CERT1: variants seen among roughly 807,000 people sequenced by gnomAD.
CERT1 encodes ceramide transporter 1.
A neutral mutation model predicts 87.9 loss-of-function variants in CERT1; 31 were observed. That is an observed-to-expected ratio of 0.35 (90% CI 0.27 to 0.48). The LOEUF is 0.48. Ranked by LOEUF, CERT1 falls within the 20% of genes least tolerant of loss-of-function variation. CERT1 has a pLI of 0.99. For synonymous variants in CERT1, 289 were observed against 250.9 expected, an observed-to-expected ratio of 1.15 and a Z score of -1.44; for missense variants, 487 against 758.0, an observed-to-expected ratio of 0.64 and a Z score of 4.20.
chr5:75,381,814 A>G, intron 15 of CERT1, 135 bp downstream of exon 15: 4 of 807,392 alleles, frequency 5.0e-6, no homozygotes, highest in Non-Finnish European at 7.9e-6. Context: ...TGTTCCTAGC[A>G]GTCAATCCAA....
chr5:75,376,539 G>A (rs1016274206), downstream of CERT1: 3 of 152,198 alleles, frequency 2.0e-5, no homozygotes, highest in Non-Finnish European at 4.4e-5. Context: ...CAGTTTTCTG[G>A]TTTATTTGAT....
intron 3 of CERT1, among the ~76,000 whole-genome samples, chr5:75,441,554 A>G (rs1057160347): frequency 1.3e-5 from 2 of 152,088 alleles, no homozygotes; most frequent in Non-Finnish European, 2.9e-5. Flanking sequence ...GAAACTCTAT[A>G]CCCATTAAAC....
chr5:75,461,683 A>G (rs1277031446), intron 2 of CERT1, among the ~76,000 whole-genome samples: 1 of 152,188 alleles, frequency 6.6e-6, no homozygotes, highest in Non-Finnish European at 1.5e-5. Context: ...TCTCTGGCAA[A>G]CACCTTCTTA....
At chr5:75,473,585 G>A (rs918616649) in intron 2 of CERT1, among the ~76,000 whole-genome samples, 7 of 152,158 alleles carry the variant, frequency 4.6e-5, no homozygotes, top group Admixed American at 6.5e-5. Flanking sequence ...TAGCAGGTGA[G>A]GAGGGTTAGG....
intron 8 of CERT1, among the ~76,000 whole-genome samples, chr5:75,407,739 A>C (rs2112112710): frequency 6.6e-6 from 1 of 152,278 alleles, no homozygotes; most frequent in South Asian, 2.1e-4. Flanking sequence ...TGAATGTTTA[A>C]GTTAAATATT....
At chr5:75,372,656 T>C (rs1761125659) in intron 17 of CERT1, 1 of 152,242 alleles carries the variant, frequency 6.6e-6, no homozygotes, top group Non-Finnish European at 1.5e-5. Context: ...TTTCTCTCTG[T>C]ACAGAATAAT....
chr5:75,401,638 T>A (rs559190772), intron 9 of CERT1: 1 of 152,180 alleles, frequency 6.6e-6, no homozygotes, highest in Non-Finnish European at 1.5e-5. Context: ...GTACATAGCA[T>A]CTTTTGGGTA....
chr5:75,431,567 A>C (rs1397278020), intron 3 of CERT1, among the ~76,000 whole-genome samples: 1 of 152,212 alleles, frequency 6.6e-6, no homozygotes, highest in East Asian at 1.9e-4. Context: ...AAATGAACTA[A>C]TTAGAGCTAA....
At chr5:75,390,946 T>A (rs1373872883) in intron 11 of CERT1, among the ~76,000 whole-genome samples, 1 of 151,720 alleles carries the variant, frequency 6.6e-6, no homozygotes, top group Non-Finnish European at 1.5e-5. Flanking sequence ...TAAAACTATA[T>A]GCCTGTGCCA....
At chr5:75,410,185 T>G (rs904667840) in intron 8 of CERT1, among the ~76,000 whole-genome samples, 2 of 152,188 alleles carry the variant, frequency 1.3e-5, no homozygotes, top group African/African-American at 4.8e-5. Flanking sequence ...AAGATTTTAA[T>G]GTATGTGTGT....
chr5:75,475,997 G>A (rs994107022), intron 2 of CERT1, among the ~76,000 whole-genome samples: 1 of 152,098 alleles, frequency 6.6e-6, no homozygotes, highest in South Asian at 2.1e-4. Flanking sequence ...GCACTCAAAT[G>A]TCAGTTATAT....
intron 2 of CERT1, among the ~76,000 whole-genome samples, chr5:75,471,591 T>C (rs763121786): frequency 2.0e-5 from 3 of 151,662 alleles, no homozygotes; most frequent in Non-Finnish European, 4.4e-5. Context: ...AAACCCCATC[T>C]CTACTGAAAA....
At chr5:75,496,023 A>T (rs537636277) in intron 2 of CERT1, among the ~76,000 whole-genome samples, 3 of 152,242 alleles carry the variant, frequency 2.0e-5, no homozygotes, top group African/African-American at 7.2e-5. Context: ...ATAAATTTTT[A>T]GTGTTAGTGA....
At chr5:75,427,435 C>T (rs1763664874) in intron 3 of CERT1, among the ~76,000 whole-genome samples, 1 of 152,128 alleles carries the variant, frequency 6.6e-6, no homozygotes, top group Admixed American at 6.6e-5. Flanking sequence ...CCTGTCTCTA[C>T]TAAAAATACA....
intron 2 of CERT1, among the ~76,000 whole-genome samples, chr5:75,496,991 A>ATG (rs1767099103): frequency 6.6e-6 from 1 of 152,196 alleles, no homozygotes; most frequent in Non-Finnish European, 1.5e-5. Flanking sequence ...TTTTAAAAAA[A>ATG]GACATAGAAT....
At position 75,379,226 on chromosome 5, in the gene CERT1, T is replaced by A; in HGVS notation, c.*120A>T. On this transcript the variant is annotated 3_prime_UTR_variant, in exon 17 of 17. Transcript: ENST00000643780. The stretch of plus-strand genomic sequence containing the variant: ...AACAAAAACCAACGAAACAATACTC[T>A]ATAGGGGAACATCAAAAAACATAGT... 2.2e-6 allele frequency: 2 copies of A among 901,286 alleles called. No homozygotes were observed. Among genetic ancestry groups the A allele is most frequent in the Non-Finnish European group, 3.4e-6 (2 of 585,276 alleles). 55.8% of individuals were successfully genotyped at this position (901,286 alleles called of 1,614,324 possible).
chr5:75,503,673 ATC>A (rs1432236243), intron 2 of CERT1, among the ~76,000 whole-genome samples: 3 of 151,752 alleles, frequency 2.0e-5, no homozygotes, highest in Admixed American at 2.0e-4. Context: ...TTCTACTTTT[ATC>A]TCTCCTTCAA....
intron 3 of CERT1, 32 bp downstream of exon 3, chr5:75,459,033 C>G (rs1185945720): frequency 1.2e-5 from 15 of 1,241,848 alleles, no homozygotes; most frequent in Non-Finnish European, 1.8e-5. Context: ...TTACCTAGTC[C>G]TCCATGGACA....
chr5:75,503,765 T>C (rs559896980), intron 2 of CERT1, among the ~76,000 whole-genome samples: 31 of 69,744 alleles, frequency 4.4e-4, no homozygotes, highest in African/African-American at 1.6e-3. Context: ...CATATAGCTA[T>C]AACAAAAATC....
Sources: allele counts gnomAD v4.1 joint callset (sites outside exome capture counted in the v4.1 genomes callset), GRCh38; gene constraint gnomAD v4.1.1; transcripts MANE v1.5; gene names NCBI Gene and HGNC (gene_info 2026-07-23, HGNC 2026-07-21).